The following MRAS variants were observed in gnomAD, a reference collection of about 807,000 sequenced individuals.
MRAS encodes muscle RAS oncogene homolog.
Under a neutral mutation model 20.9 loss-of-function variants are expected in MRAS, and 4 were observed. The ratio of observed to expected loss-of-function variants is 0.19; its 90% CI spans 0.09 to 0.44. The LOEUF (loss-of-function observed/expected upper bound fraction) is 0.44, where lower values mean the gene tolerates loss of function less well. MRAS is among the 20% of genes least tolerant of loss of function. The pLI is 0.99. For synonymous variants in MRAS, 98 were observed against 102.9 expected, an observed-to-expected ratio of 0.95 and a Z score of 0.29; for missense variants, 154 against 277.5, an observed-to-expected ratio of 0.56 and a Z score of 3.16.
intron 2 of MRAS, among the ~76,000 whole-genome samples, chr3:138,384,175 G>A (rs1452654493): frequency 6.6e-6 from 1 of 152,184 alleles, no homozygotes; most frequent in African/African-American, 2.4e-5. Flanking sequence ...TAAATGAGAA[G>A]CCATTGGAGG....
At chr3:138,382,334 A>T (rs2054921440) in intron 2 of MRAS, among the ~76,000 whole-genome samples, 1 of 152,190 alleles carries the variant, frequency 6.6e-6, no homozygotes, top group African/African-American at 2.4e-5. Flanking sequence ...GAGCGGTGGT[A>T]GCAGTTACTA....
chr3:138,349,489 C>T (rs1560155623), intron 1 of MRAS: 2 of 152,338 alleles, frequency 1.3e-5, no homozygotes, highest in Non-Finnish European at 2.9e-5. Context: ...TCTGGCTGGC[C>T]GCAGCGTATA....
At chr3:138,362,002 C>T (rs1332322421) in intron 1 of MRAS, among the ~76,000 whole-genome samples, 6 of 152,220 alleles carry the variant, frequency 3.9e-5, no homozygotes, top group South Asian at 2.1e-4. Context: ...ACAGAGCCCA[C>T]GCCCTGCCCC....
At chr3:138,384,375 T>C (rs756399700) in intron 2 of MRAS, among the ~76,000 whole-genome samples, 2 of 152,006 alleles carry the variant, frequency 1.3e-5, no homozygotes, top group African/African-American at 4.8e-5. Flanking sequence ...GGCTTGGGCA[T>C]TGGTGGAGGA....
At chr3:138,363,820 C>CG (rs1553797790) in intron 1 of MRAS, among the ~76,000 whole-genome samples, 9 of 43,664 alleles carry the variant, frequency 2.1e-4, no homozygotes, top group Non-Finnish European at 4.5e-4. Flanking sequence ...AGAGGATTTA[C>CG]CCCCCCCCCC....
chr3:138,383,364 C>T (rs569175313), intron 2 of MRAS, among the ~76,000 whole-genome samples: 3 of 152,082 alleles, frequency 2.0e-5, no homozygotes, highest in Admixed American at 6.6e-5. Flanking sequence ...AGGGTCTCAC[C>T]GTGCCACCCA....
chr3:138,385,851 A>G (rs2055001301), intron 2 of MRAS, among the ~76,000 whole-genome samples: 1 of 152,134 alleles, frequency 6.6e-6, no homozygotes, highest in Non-Finnish European at 1.5e-5. Flanking sequence ...AAATTACAGC[A>G]CATTTACCTG....
intron 2 of MRAS, among the ~76,000 whole-genome samples, chr3:138,380,508 T>A (rs1576368266): frequency 1.3e-5 from 2 of 151,882 alleles, no homozygotes; most frequent in East Asian, 3.9e-4. Flanking sequence ...GGATGGGGTT[T>A]CCGTGTTGGC....
At chr3:138,395,189 C>T (rs2055209771) in intron 2 of MRAS, among the ~76,000 whole-genome samples, 1 of 151,920 alleles carries the variant, frequency 6.6e-6, no homozygotes, top group African/African-American at 2.4e-5. Flanking sequence ...TGCAGGCGCT[C>T]GACACCATGC....
intron 1 of MRAS, among the ~76,000 whole-genome samples, chr3:138,369,931 A>C (rs951511783): frequency 4.6e-5 from 7 of 152,370 alleles, no homozygotes; most frequent in African/African-American, 1.7e-4. Context: ...TTTGAGAAGA[A>C]AATAAAGACA....
At chr3:138,397,572 AC>A in intron 3 of MRAS, 95 bp downstream of exon 3, 1 of 1,425,242 alleles carries the variant, frequency 7.0e-7, no homozygotes, top group East Asian at 2.4e-5. Context: ...TCTCTCTCTC[AC>A]CCCTAATTAA....
In MRAS at chr3:138,397,439, G is replaced by A; in HGVS notation, c.309G>A (p.Val103=). 1 of 1,614,106 alleles carries A rather than the reference G, an allele frequency of 6.2e-7. No homozygotes were observed. The highest frequency in any genetic ancestry group is 8.5e-7 in the Non-Finnish European group (1 of 1,180,020). Residue 103 remains valine (V), a synonymous_variant, in exon 3 of 6, where the codon GTG becomes GTA. Coordinates refer to ENST00000423968, the MANE Select transcript of MRAS (RefSeq NM_001085049.3). The part of the protein sequence containing the change: ...SVTDKASFEH[V]DRFHQLILRV... ...CTGACAAGGCCAGCTTTGAGCACGT[G>A]GACCGCTTCCACCAGCTTATCCTGC...
intron 2 of MRAS, among the ~76,000 whole-genome samples, chr3:138,385,232 A>T (rs541560789): frequency 7.9e-4 from 106 of 133,536 alleles, no homozygotes; most frequent in African/African-American, 2.9e-3. Flanking sequence ...CAGTGGCATG[A>T]TCATGACTCA....
intron 1 of MRAS, among the ~76,000 whole-genome samples, chr3:138,362,734 G>A (rs149052296): frequency 6.6e-6 from 1 of 152,280 alleles, no homozygotes; most frequent in East Asian, 1.9e-4. Context: ...TGCAGCCTTG[G>A]GCACTTGTTT....
chr3:138,373,958 G>A (rs1158311722), intron 2 of MRAS, among the ~76,000 whole-genome samples: 1 of 151,080 alleles, frequency 6.6e-6, no homozygotes, highest in Non-Finnish European at 1.5e-5. Flanking sequence ...TTTTTTGTTT[G>A]TTTGTTTGTT....
chr3:138,355,521 G>A (rs567315306), intron 1 of MRAS, among the ~76,000 whole-genome samples: 72 of 152,338 alleles, frequency 4.7e-4, no homozygotes, highest in African/African-American at 1.5e-3. Flanking sequence ...ATTGGGGACC[G>A]AGATTTCATC....
chr3:138,372,286 A>G (rs2054690696), intron 1 of MRAS, among the ~76,000 whole-genome samples: 1 of 152,098 alleles, frequency 6.6e-6, no homozygotes. Flanking sequence ...CCCCAAATAA[A>G]ATGATTCCCG....
intron 1 of MRAS, among the ~76,000 whole-genome samples, chr3:138,352,165 G>A (rs1031235897): frequency 2.0e-5 from 3 of 152,222 alleles, no homozygotes; most frequent in South Asian, 2.1e-4. Context: ...TCATGCTTCC[G>A]CAGAGGTGAT....
chr3:138,379,357 C>CTTTTTTTTTTTTTTTTTTTTTT (rs35120152), intron 2 of MRAS, among the ~76,000 whole-genome samples: 3 of 77,598 alleles, frequency 3.9e-5, no homozygotes, highest in African/African-American at 5.0e-5. Context: ...GACAGAATGT[C>CTTTTTTTTTTTTTTTTTTTTTT]TTTTTTTTTT....
Sources: allele counts gnomAD v4.1 joint callset (sites outside exome capture counted in the v4.1 genomes callset), GRCh38; gene constraint gnomAD v4.1.1; transcripts MANE v1.5; gene names NCBI Gene and HGNC (gene_info 2026-07-23, HGNC 2026-07-21).